The following SAMD15 variants were observed in gnomAD, a reference collection of about 807,000 sequenced individuals.
SAMD15 encodes sterile alpha motif domain-containing protein 15.
Under a neutral mutation model 50.5 loss-of-function variants are expected in SAMD15, and 37 were observed. That is an observed-to-expected ratio of 0.73 (90% confidence interval 0.56 to 0.96). The LOEUF (loss-of-function observed/expected upper bound fraction) is 0.96, where lower values mean the gene tolerates loss of function less well. Ranked by LOEUF, SAMD15 falls within the 40% of genes least tolerant of loss-of-function variation. The pLI, the probability that SAMD15 is intolerant of heterozygous loss-of-function variation, is 0.00. For missense variants in SAMD15, 789 were observed against 783.8 expected, an observed-to-expected ratio of 1.01 and a Z score of -0.08; for synonymous variants, 255 against 282.8, an observed-to-expected ratio of 0.90 and a Z score of 0.99.
In SAMD15 at chr14:77,391,760, T is replaced by C. The variant is rs1894076317; in HGVS notation, c.*516T>C. On this transcript the variant is annotated 3_prime_UTR_variant, in exon 3 of 3. Coordinates refer to ENST00000216471, the MANE Select transcript of SAMD15 (RefSeq NM_001010860.4). ...TCACGCTTATCTTTCTGGGTAATTA[T>C]AAGAATTCCTGAGCCGGGCAAGGTG... 6.6e-6 allele frequency among the ~76,000 whole-genome samples: 1 copy of C among 152,118 alleles called. No individual in the cohort carries two copies. Among genetic ancestry groups the C allele is most frequent in the Admixed American group, 6.6e-5 (1 of 15,262 alleles).
intron 2 of SAMD15, among the ~76,000 whole-genome samples, chr14:77,385,527 G>A (rs1893995022): frequency 6.6e-6 from 1 of 151,958 alleles, no homozygotes; most frequent in East Asian, 2.0e-4. Flanking sequence ...GACCTCAGGT[G>A]ATCCGACTGT....
rs1243819925 is a variant in SAMD15 at position 77,378,202 on chromosome 14, C to G, written c.784C>G (p.Leu262Val). The G allele has an allele frequency of 6.2e-6, 10 of 1,614,072 alleles. No individual in the cohort carries two copies. The highest frequency in any genetic ancestry group is 7.6e-6 in the Non-Finnish European group (9 of 1,180,010). ...KRTEPPEQAR[L>V]EFLEKEPRKS... ...GACAGAGCCACCCGAGCAGGCTAGACTGGAATTTCTGGAGAAGGAACCAAG... is the reference window on the plus strand; with the variant it reads ...GACAGAGCCACCCGAGCAGGCTAGAGTGGAATTTCTGGAGAAGGAACCAAG... The change falls in exon 1 of 3, where the codon CTG (leucine) becomes GTG (valine). Residue 262 changes from leucine (L) to valine (V), a missense_variant. Leu to Val is a conservative substitution (Grantham distance 32). Around this residue, in one of 2 missense-constraint regions of SAMD15, gnomAD observed 770 missense variants for 745.4 expected, o/e 1.03. Coordinates refer to ENST00000216471, the MANE Select transcript of SAMD15 (RefSeq NM_001010860.4).
chr14:77,390,820 G>A (rs1894063184), intron 2 of SAMD15, among the ~76,000 whole-genome samples, 188 bp from the exon 3 acceptor site: 1 of 152,112 alleles, frequency 6.6e-6, no homozygotes, highest in African/African-American at 2.4e-5. Context: ...AATCCAGGAG[G>A]CAGAGGTGGC....
intron 2 of SAMD15, among the ~76,000 whole-genome samples, chr14:77,385,712 C>G (rs1893997338): frequency 6.6e-6 from 1 of 152,176 alleles, no homozygotes; most frequent in Admixed American, 6.6e-5. Flanking sequence ...CTTACAGTAT[C>G]TAGACAAAGC....
chr14:77,382,307 T>C (rs575125261), intron 2 of SAMD15, among the ~76,000 whole-genome samples: 11 of 151,990 alleles, frequency 7.2e-5, no homozygotes, highest in Non-Finnish European at 1.6e-4. Context: ...GTATTTTTAG[T>C]AGAGATGGGG....
In SAMD15 at chr14:77,380,406, C is replaced by CAG. The variant is rs1893930255; in HGVS notation, c.1714_1715dup (p.Ser572ArgfsTer19). The CAG allele has an allele frequency of 6.2e-7, 1 of 1,613,138 alleles. No homozygotes were observed. Among genetic ancestry groups the CAG allele is most frequent in the South Asian group, 1.1e-5 (1 of 91,054 alleles). ...AGGAGTGTTTTATCACAAACTTCAT[C>CAG]AGTGGCCGAAAACTCATTCACGTCA... is the stretch of plus-strand genomic sequence containing the variant. On this transcript the variant is annotated frameshift_variant, in exon 2 of 3. Transcript: ENST00000216471. LOFTEE classifies it high-confidence loss of function.
rs766595692 is a variant in SAMD15, at chr14:77,378,442, A to G, written c.1024A>G (p.Arg342Gly). Residue 342 changes from arginine (R) to glycine (G), a missense_variant, in exon 1 of 3, where the codon AGA (arginine) becomes GGA (glycine). Arg to Gly is a moderately radical substitution (Grantham distance 125). This residue lies in a region of SAMD15 where 770 missense variants were observed against 745.4 expected (regional missense o/e 1.03). Transcript: ENST00000216471. ...IKLEFPEEES[R>G]KTNEETILEQ... Reference sequence around the variant, plus strand: ...ATTAGAGTTTCCTGAGGAAGAATCAAGAAAAACAAATGAGGAAACAATTCT... The same window carrying G: ...ATTAGAGTTTCCTGAGGAAGAATCAGGAAAAACAAATGAGGAAACAATTCT... 6.2e-6 allele frequency: 10 copies of G among 1,613,856 alleles called. No homozygotes were observed. In the Admixed American group the frequency reaches 1.2e-4, roughly 19 times the overall value.
intron 1 of SAMD15, 93 bp from the exon 2 acceptor site, chr14:77,380,290 C>A: frequency 3.6e-6 from 3 of 836,350 alleles, no homozygotes; most frequent in Non-Finnish European, 6.2e-6. Flanking sequence ...CAGGGTAGAA[C>A]AAACACGACT....
chr14:77,380,619 G>T (rs545778753), intron 2 of SAMD15, 138 bp downstream of exon 2: 1 of 619,764 alleles, frequency 1.6e-6, no homozygotes, highest in Admixed American at 2.7e-5. Flanking sequence ...TCAGGCTCAC[G>T]GTGGTTGCCT....
chr14:77,377,828 C>T lies in SAMD15; in HGVS notation c.410C>T (p.Pro137Leu). The part of the protein sequence containing the change: ...DETHKESDLE[P>L]PEEAKPNVTE... ...ACGCATAAAGAGTCAGACCTAGAGC[C>T]ACCAGAGGAGGCTAAACCAAATGTT... Residue 137 changes from proline (P) to leucine (L), a missense_variant, in exon 1 of 3, where the codon CCA becomes CTA. Pro to Leu is a moderately conservative substitution (Grantham distance 98). Transcript: ENST00000216471. 6.2e-7 allele frequency: 1 copy of T among 1,614,136 alleles called. No individual in the cohort carries two copies. Among genetic ancestry groups the T allele is most frequent in the South Asian group, 1.1e-5 (1 of 91,074 alleles).
At position 77,380,393 on chromosome 14, in the gene SAMD15, T is replaced by A. The variant is rs1893930135; in HGVS notation, c.1700T>A (p.Ile567Asn). The A allele has an allele frequency of 6.2e-7, 1 of 1,611,730 alleles. No individual in the cohort carries two copies. The highest frequency in any genetic ancestry group is 1.7e-4 in the Middle Eastern group (1 of 6,056). ...LGFPQYKECF[I>N]TNFISGRKLI... The stretch of plus-strand genomic sequence containing the variant: ...TTGTTGTATTGACAGGAGTGTTTTA[T>A]CACAAACTTCATCAGTGGCCGAAAA... The change falls in exon 2 of 3, where the codon ATC becomes AAC. Residue 567 changes from isoleucine (I) to asparagine (N), a missense_variant. Physicochemically the swap from Ile to Asn is moderately radical, Grantham distance 149. Transcript: ENST00000216471.
rs531229236 is a variant in SAMD15, at chr14:77,385,932, C to T, written c.1789-5076C>T. 3.6e-4 allele frequency among the ~76,000 whole-genome samples: 54 copies of T among 151,318 alleles called. No homozygotes were observed. The South Asian group carries it at 0.011, about 31-fold the overall frequency. On this transcript the variant is annotated intron_variant, in intron 2 of 2. Coordinates refer to ENST00000216471, the MANE Select transcript of SAMD15 (RefSeq NM_001010860.4). ...GTGCAATCTCAGCTCAGTGCAACCT[C>T]CACCTCCTGGGCTCAAATAATCCTC...
intron 2 of SAMD15, among the ~76,000 whole-genome samples, chr14:77,386,210 G>A (rs904314867): frequency 1.3e-5 from 2 of 152,060 alleles, no homozygotes; most frequent in Admixed American, 6.6e-5. Context: ...TTTGTTGTGT[G>A]TAGTTCTGTG....
At chr14:77,386,876 A>G (rs960202976) in intron 2 of SAMD15, among the ~76,000 whole-genome samples, 1 of 152,224 alleles carries the variant, frequency 6.6e-6, no homozygotes, top group African/African-American at 2.4e-5. Flanking sequence ...ACAAGTTACA[A>G]TGATAATATA....
chr14:77,378,295 C>G lies in SAMD15; in HGVS notation c.877C>G (p.Gln293Glu). The G allele has an allele frequency of 6.2e-7, 1 of 1,612,030 alleles. No individual in the cohort carries two copies. The highest frequency in any genetic ancestry group is 8.5e-7 in the Non-Finnish European group (1 of 1,179,526). The change falls in exon 1 of 3, where the codon CAA (glutamine) becomes GAA (glutamate). Residue 293 changes from glutamine to glutamate, a missense_variant. By Grantham distance (29) the Gln-to-Glu change is conservative (BLOSUM62 2). This residue lies in a region of SAMD15 where 770 missense variants were observed against 745.4 expected (regional missense o/e 1.03). Transcript: ENST00000216471. ...ETQPEVPEEM[Q>E]RKATEEKGTE... Reference sequence around the variant, plus strand: ...TCAACCAGAGGTTCCAGAGGAGATGCAAAGAAAGGCAACTGAGGAGAAAGG... The same window carrying G: ...TCAACCAGAGGTTCCAGAGGAGATGGAAAGAAAGGCAACTGAGGAGAAAGG...
chr14:77,378,602 CACAA>C lies in SAMD15; in HGVS notation c.1190_1193del (p.Thr397SerfsTer7), dbSNP rs776223464. The stretch of plus-strand genomic sequence containing the variant: ...ATCAACCCACAAGTTGAAGAGAAAA[CACAA>C]ACAAAGCCAACTGAGAAAATTCTAG... On this transcript the variant is annotated frameshift_variant, in exon 1 of 3. Coordinates refer to ENST00000216471, the MANE Select transcript of SAMD15 (RefSeq NM_001010860.4). LOFTEE classifies it high-confidence loss of function. 25 of 1,613,624 alleles carry C rather than the reference CACAA, an allele frequency of 1.5e-5. 1 individual carries two copies. The highest frequency in any genetic ancestry group is 1.3e-4 in the South Asian group (12 of 91,024).
rs1251574657 is a variant in SAMD15 at position 77,391,066 on chromosome 14, C to G, written c.1847C>G (p.Ser616Cys). 6.2e-7 allele frequency: 1 copy of G among 1,614,128 alleles called. No individual in the cohort carries two copies. The highest frequency in any genetic ancestry group is 1.7e-5 in the Admixed American group (1 of 60,012). ...ATTGAAGAGCCATTATTCAAACGCT[C>G]CATCAGCCTTCCCTATAGGGATATT... ...LEIEEPLFKR[S>C]ISLPYRDIIG... is the part of the protein sequence containing the mutation. Residue 616 changes from serine (S) to cysteine (C), a missense_variant, in exon 3 of 3, where the codon TCC becomes TGC. By Grantham distance (112) the Ser-to-Cys change is moderately radical. This residue lies in a region of SAMD15 where 770 missense variants were observed against 745.4 expected (regional missense o/e 1.03). Coordinates refer to ENST00000216471, the MANE Select transcript of SAMD15 (RefSeq NM_001010860.4).
At chr14:77,386,075 TA>T (rs1432357777) in intron 2 of SAMD15, among the ~76,000 whole-genome samples, 1 of 151,982 alleles carries the variant, frequency 6.6e-6, no homozygotes, top group Non-Finnish European at 1.5e-5. Context: ...AGGCTGGTCT[TA>T]AACTCCTGAG....
intron 2 of SAMD15, among the ~76,000 whole-genome samples, chr14:77,380,972 C>T (rs1217343453): frequency 6.6e-6 from 1 of 152,180 alleles, no homozygotes; most frequent in East Asian, 1.9e-4. Flanking sequence ...TCCAGCCTAC[C>T]ACCAGGTCTA....
Sources: allele counts gnomAD v4.1 joint callset (sites outside exome capture counted in the v4.1 genomes callset), GRCh38; gene constraint gnomAD v4.1.1; regional missense constraint gnomAD v4.1.1; transcripts MANE v1.5; gene names NCBI Gene and HGNC (gene_info 2026-07-23, HGNC 2026-07-21).